ASH1L: variants seen among roughly 807,000 people sequenced by gnomAD.
The protein encoded by ASH1L is ASH1 like histone lysine methyltransferase.
ASH1L carries 23 observed loss-of-function variants against 269.0 expected under a neutral mutation model. That is an observed-to-expected ratio of 0.09 (90% CI 0.06 to 0.12). The LOEUF (loss-of-function observed/expected upper bound fraction) is 0.12, where lower values mean the gene tolerates loss of function less well. Among genes scored for constraint, ASH1L ranks in the 10% least tolerant of loss-of-function variants. ASH1L has a pLI of 1.00. For synonymous variants in ASH1L, 1,187 were observed against 1,253.5 expected (o/e 0.95, Z 1.12); for missense variants, 2,912 against 3,567.8 (o/e 0.82, Z 4.68).
rs368800129 is a variant in ASH1L, at chr1:155,411,586, A to AATATATATATAT, written c.6008+4146_6008+4157dup. ...AAATATGAATATAAATAAATAAATA[A>AATATATATATAT]ATATATATATATATATATATATATA... On this transcript the variant is annotated intron_variant, in intron 6 of 27. Coordinates refer to ENST00000392403, the MANE Select transcript of ASH1L (RefSeq NM_018489.3). 1.5e-3 allele frequency among the ~76,000 whole-genome samples: 83 copies of AATATATATATAT among 55,128 alleles called. 1 individual carries two copies. Among genetic ancestry groups the AATATATATATAT allele is most frequent in the South Asian group, 3.4e-3 (4 of 1,186 alleles). 36.2% of individuals were successfully genotyped at this position (55,128 alleles called of 152,430 possible).
intron 13 of ASH1L, chr1:155,358,875 G>A (rs1156484196): frequency 6.6e-6 from 1 of 152,008 alleles, no homozygotes; most frequent in African/African-American, 2.4e-5. Context: ...CAGCACTGTG[G>A]GAGGCTGAGG....
At chr1:155,523,832 T>C (rs1210227526) in intron 1 of ASH1L, among the ~76,000 whole-genome samples, 4 of 152,134 alleles carry the variant, frequency 2.6e-5, no homozygotes, top group African/African-American at 7.2e-5. Context: ...GATCATGCTA[T>C]TGCACTCCAG....
intron 4 of ASH1L, among the ~76,000 whole-genome samples, chr1:155,441,362 CCCAAGCAA>C (rs1662548168): frequency 6.6e-6 from 1 of 151,338 alleles, no homozygotes; most frequent in African/African-American, 2.4e-5. Context: ...TGCAAGGAAG[CCCAAGCAA>C]TGAGTTGGCA....
At chr1:155,443,190 C>T (rs1662739761) in intron 4 of ASH1L, among the ~76,000 whole-genome samples, 1 of 152,212 alleles carries the variant, frequency 6.6e-6, no homozygotes. Flanking sequence ...TCTATCCCTT[C>T]ATCAACTACT....
chr1:155,449,245 T>C (rs566538352), intron 4 of ASH1L, among the ~76,000 whole-genome samples: 1 of 152,258 alleles, frequency 6.6e-6, no homozygotes, highest in South Asian at 2.1e-4. Flanking sequence ...TATGTGTCTT[T>C]CATTTTTATT....
At chr1:155,428,461 A>T (rs1162888240) in intron 5 of ASH1L, among the ~76,000 whole-genome samples, 1 of 151,586 alleles carries the variant, frequency 6.6e-6, no homozygotes, top group Admixed American at 6.6e-5. Flanking sequence ...AAATATATAT[A>T]TATATGTTGG....
intron 1 of ASH1L, among the ~76,000 whole-genome samples, chr1:155,547,441 G>A (rs1670906144): frequency 6.6e-6 from 1 of 151,996 alleles, no homozygotes. Flanking sequence ...ATACTATGTA[G>A]CCATAAAAAG....
chr1:155,420,058 C>T (rs185817865), intron 5 of ASH1L, among the ~76,000 whole-genome samples: 5 of 152,294 alleles, frequency 3.3e-5, no homozygotes, highest in Non-Finnish European at 7.3e-5. Context: ...TGACTCACTC[C>T]TATAATCCCA....
intron 7 of ASH1L, among the ~76,000 whole-genome samples, chr1:155,382,134 A>T (rs534066056): frequency 6.8e-6 from 1 of 147,764 alleles, no homozygotes; most frequent in East Asian, 2.0e-4. Context: ...TTGAACTGGG[A>T]GGTGGAGGTT....
intron 5 of ASH1L, among the ~76,000 whole-genome samples, chr1:155,435,560 G>A (rs933613184): frequency 6.6e-5 from 10 of 151,334 alleles, no homozygotes; most frequent in African/African-American, 2.2e-4. Context: ...TATTACCAGC[G>A]TGTATTGCTC....
chr1:155,511,577 C>A (rs1031107094), intron 2 of ASH1L, among the ~76,000 whole-genome samples: 1 of 152,210 alleles, frequency 6.6e-6, no homozygotes, highest in African/African-American at 2.4e-5. Context: ...GCAATCTCGG[C>A]TCACTGCAAC....
intron 4 of ASH1L, among the ~76,000 whole-genome samples, chr1:155,453,537 C>T (rs750576414): frequency 6.6e-6 from 1 of 152,104 alleles, no homozygotes; most frequent in Non-Finnish European, 1.5e-5. Flanking sequence ...CAGTGGCTCA[C>T]GCCTCTAATC....
intron 1 of ASH1L, among the ~76,000 whole-genome samples, chr1:155,535,858 C>T (rs1408456104): frequency 6.6e-6 from 1 of 151,836 alleles, no homozygotes; most frequent in East Asian, 1.9e-4. Flanking sequence ...ATTAGCCAGG[C>T]GTGGTGGCGC....
At chr1:155,426,780 T>C (rs1041076544) in intron 5 of ASH1L, among the ~76,000 whole-genome samples, 1 of 152,150 alleles carries the variant, frequency 6.6e-6, no homozygotes, top group African/African-American at 2.4e-5. Context: ...AACTAAAAAA[T>C]TTTTTTCTAG....
At chr1:155,451,957 G>A (rs1299818648) in intron 4 of ASH1L, among the ~76,000 whole-genome samples, 2 of 152,040 alleles carry the variant, frequency 1.3e-5, no homozygotes, top group Non-Finnish European at 2.9e-5. Context: ...CTGACCTCAG[G>A]TGATCCGCCT....
At chr1:155,518,128 A>C (rs1668626672) in intron 2 of ASH1L, among the ~76,000 whole-genome samples, 1 of 152,096 alleles carries the variant, frequency 6.6e-6, no homozygotes, top group African/African-American at 2.4e-5. Flanking sequence ...AGTTGCCAAA[A>C]CCATTCAATG....
chr1:155,503,209 C>A (rs975684450), intron 2 of ASH1L, among the ~76,000 whole-genome samples: 1 of 152,170 alleles, frequency 6.6e-6, no homozygotes, highest in Non-Finnish European at 1.5e-5. Flanking sequence ...ACTATCAAAT[C>A]CTACAGAAAG....
At chr1:155,495,572 G>A (rs570330130) in intron 2 of ASH1L, among the ~76,000 whole-genome samples, 71 of 152,242 alleles carry the variant, frequency 4.7e-4, no homozygotes, top group African/African-American at 1.7e-3. Flanking sequence ...AAGACTGTAC[G>A]ACACTCTGGG....
intron 4 of ASH1L, among the ~76,000 whole-genome samples, chr1:155,445,525 A>G (rs1432421894): frequency 6.6e-6 from 1 of 151,796 alleles, no homozygotes; most frequent in East Asian, 1.9e-4. Context: ...TAAGCCACGA[A>G]GTGTCTGTCG....
Sources: gnomAD v4.1 joint callset for allele counts (sites outside exome capture counted in the v4.1 genomes callset) on GRCh38, gnomAD v4.1.1 for gene constraint, MANE v1.5 for transcripts, NCBI Gene and HGNC (gene_info 2026-07-23, HGNC 2026-07-21) for gene names.